ABAT: variants seen among roughly 807,000 people sequenced by gnomAD.
ABAT encodes 4-aminobutyrate aminotransferase.
Under a neutral mutation model 64.6 loss-of-function variants are expected in ABAT, and 45 were observed. The ratio of observed to expected loss-of-function variants is 0.70; its 90% confidence interval spans 0.55 to 0.89. The LOEUF (loss-of-function observed/expected upper bound fraction) is 0.89, where lower values mean the gene tolerates loss of function less well. Ranked by LOEUF, ABAT falls within the 40% of genes least tolerant of loss-of-function variation. The pLI is 0.00. For missense variants in ABAT, 633 were observed against 658.4 expected (o/e 0.96, Z 0.42); for synonymous variants, 297 against 250.5 (o/e 1.19, Z -1.75).
At chr16:8,730,156 A>C (rs537454646) in intron 1 of ABAT, among the ~76,000 whole-genome samples, 2 of 152,272 alleles carry the variant, frequency 1.3e-5, no homozygotes, top group South Asian at 4.1e-4. Flanking sequence ...ACCAGCTGAG[A>C]GCCTGCACAT....
chr16:8,681,491 C>G (rs1271117772), intron 1 of ABAT, among the ~76,000 whole-genome samples: 1 of 146,732 alleles, frequency 6.8e-6, no homozygotes, highest in African/African-American at 2.5e-5. Context: ...GAGTCTTGCT[C>G]TGTTGCCCAG....
chr16:8,778,599 A>AC (rs200234093), intron 14 of ABAT, among the ~76,000 whole-genome samples: 10,914 of 152,118 alleles, frequency 0.072, 473 homozygotes, highest in Middle Eastern at 0.13. Flanking sequence ...ACATTGTGAA[A>AC]CCAGTTTCTA....
intron 10 of ABAT, 38 bp downstream of exon 10, chr16:8,768,294 G>C (rs1215681022): frequency 2.5e-6 from 4 of 1,601,966 alleles, no homozygotes; most frequent in African/African-American, 1.3e-5. Context: ...GTGGCGTTTA[G>C]AATAGTAATA....
chr16:8,768,051 T>A (rs1466273407), intron 9 of ABAT, 142 bp from the exon 10 acceptor site: 12 of 848,554 alleles, frequency 1.4e-5, no homozygotes, highest in Non-Finnish European at 2.4e-5. Context: ...ATAGACCCCA[T>A]TGGTCCCATG....
At chr16:8,682,743 C>T (rs1186643324) in intron 1 of ABAT, among the ~76,000 whole-genome samples, 1 of 152,188 alleles carries the variant, frequency 6.6e-6, no homozygotes, top group Non-Finnish European at 1.5e-5. Flanking sequence ...CTGAGAATTC[C>T]TTCAAAGGTG....
At chr16:8,705,164 T>C (rs541284778) in intron 1 of ABAT, among the ~76,000 whole-genome samples, 44 of 152,246 alleles carry the variant, frequency 2.9e-4, no homozygotes, top group African/African-American at 1.0e-3. Context: ...AGAGGCTTAA[T>C]TGACTCACAG....
At chr16:8,755,303 G>T (rs1268708184) in intron 5 of ABAT, among the ~76,000 whole-genome samples, 1 of 152,150 alleles carries the variant, frequency 6.6e-6, no homozygotes, top group Non-Finnish European at 1.5e-5. Context: ...CTGTGGAGTG[G>T]CATCACCATG....
At position 8,734,002 on chromosome 16, in the gene ABAT, C is replaced by G. The variant is rs376293502; in HGVS notation, c.-41-1697C>G. Reference sequence around the variant, plus strand: ...TTTTAAGGCTGCATAATATTCCACTCTGTGGATACAGCATATTTTTTCCCA... The same window carrying G: ...TTTTAAGGCTGCATAATATTCCACTGTGTGGATACAGCATATTTTTTCCCA... On this transcript the variant is annotated intron_variant, in intron 1 of 15. Transcript: ENST00000268251. 4.6e-5 allele frequency among the ~76,000 whole-genome samples: 7 copies of G among 152,300 alleles called. No individual in the cohort carries two copies. In the South Asian group the frequency reaches 1.4e-3, roughly 32 times the overall value.
chr16:8,754,179 T>TAAAAAAA (rs750745519), intron 5 of ABAT, among the ~76,000 whole-genome samples: 1,148 of 63,808 alleles, frequency 0.018, 96 homozygotes, highest in African/African-American at 0.021. Flanking sequence ...ACCCTGTCTA[T>TAAAAAAA]AAAAAAAAAA....
chr16:8,769,029 C>T, intron 11 of ABAT, 56 bp downstream of exon 11: 3 of 1,610,574 alleles, frequency 1.9e-6, no homozygotes, highest in Non-Finnish European at 2.5e-6. Flanking sequence ...GCTCTTGCCG[C>T]CCCAAGACTT....
intron 1 of ABAT, among the ~76,000 whole-genome samples, chr16:8,676,104 C>T (rs1395616665): frequency 6.6e-6 from 1 of 152,054 alleles, no homozygotes; most frequent in East Asian, 1.9e-4. Context: ...GAGAGGGAGG[C>T]AGTGAGTTGT....
chr16:8,726,835 AC>A (rs933138987), intron 1 of ABAT, among the ~76,000 whole-genome samples: 5 of 152,204 alleles, frequency 3.3e-5, no homozygotes, highest in African/African-American at 1.2e-4. Flanking sequence ...CCTTTGCTCC[AC>A]ATCCTCTCCA....
chr16:8,740,311 C>A (rs141570286), intron 2 of ABAT, among the ~76,000 whole-genome samples: 6 of 152,288 alleles, frequency 3.9e-5, no homozygotes, highest in African/African-American at 1.4e-4. Context: ...CCAGGGGTGA[C>A]TTAGCCAGAT....
At chr16:8,711,197 T>C (rs2058062459) in intron 1 of ABAT, among the ~76,000 whole-genome samples, 1 of 152,198 alleles carries the variant, frequency 6.6e-6, no homozygotes, top group Non-Finnish European at 1.5e-5. Context: ...CTGCCAGCAA[T>C]GAATGAAGTG....
intron 5 of ABAT, among the ~76,000 whole-genome samples, chr16:8,752,298 G>T (rs2059511333): frequency 6.6e-6 from 1 of 152,164 alleles, no homozygotes; most frequent in Admixed American, 6.5e-5. Flanking sequence ...CTTTGTGTGG[G>T]AGTGGAAGGG....
At chr16:8,769,108 G>A in intron 11 of ABAT, 135 bp downstream of exon 11, 9 of 1,248,476 alleles carry the variant, frequency 7.2e-6, no homozygotes, top group Non-Finnish European at 1.0e-5. Context: ...GGGAAGCAGG[G>A]ACACAGAGGC....
intron 1 of ABAT, among the ~76,000 whole-genome samples, chr16:8,678,318 T>A (rs2057252044): frequency 6.6e-6 from 1 of 152,192 alleles, no homozygotes; most frequent in Non-Finnish European, 1.5e-5. Context: ...GCACTGGGGT[T>A]ACAAGTGTGA....
In ABAT at chr16:8,764,644, G is replaced by A. The variant is rs1035416626; in HGVS notation, c.448-94G>A. On this transcript the variant is annotated intron_variant, in intron 7 of 15. Transcript: ENST00000268251. This position sits in a 1 kb window ranked among gnomAD's most constrained non-coding sequence, Gnocchi z 4.2. The stretch of plus-strand genomic sequence containing the variant: ...ACAGCCCTGGTTCTGTCTGTCCCCG[G>A]TACGGCCCCTGCGAAGATTCAGCTC... 4.2e-6 allele frequency: 5 copies of A among 1,204,328 alleles called. No individual in the cohort carries two copies. The African/African-American group carries it at 7.5e-5, about 18-fold the overall frequency. 74.6% of individuals were successfully genotyped at this position (1,204,328 alleles called of 1,614,324 possible).
intron 1 of ABAT, chr16:8,705,530 T>C (rs2057920576): frequency 6.6e-6 from 1 of 152,170 alleles, no homozygotes; most frequent in Non-Finnish European, 1.5e-5. Flanking sequence ...TTGGGATTTC[T>C]TGAGGTCAAA....
Sources: gnomAD v4.1 joint callset for allele counts (sites outside exome capture counted in the v4.1 genomes callset) on GRCh38, gnomAD v4.1.1 for gene constraint, Gnocchi (gnomAD v3.1) non-coding constraint, MANE v1.5 for transcripts, NCBI Gene and HGNC (gene_info 2026-07-23, HGNC 2026-07-21) for gene names.